The following PODN variants were observed in gnomAD, a reference collection of about 807,000 sequenced individuals.
The protein encoded by PODN is podocan proteoglycan.
In PODN, 40 loss-of-function variants were observed where a neutral mutation model predicts 52.7. That is an observed-to-expected ratio of 0.76 (90% CI 0.59 to 0.99). PODN has a LOEUF of 0.99. Ranked by LOEUF, PODN falls within the 50% of genes least tolerant of loss-of-function variation. PODN has a pLI of 0.00. For missense variants in PODN, 720 were observed against 815.1 expected (o/e 0.88, Z 1.42); for synonymous variants, 396 against 377.9 (o/e 1.05, Z -0.56).
At chr1:53,069,520 C>G (rs944956312) in intron 1 of PODN, among the ~76,000 whole-genome samples, 1 of 152,208 alleles carries the variant, frequency 6.6e-6, no homozygotes, top group Non-Finnish European at 1.5e-5. Flanking sequence ...CAGTCCAGGT[C>G]GTGTCTCAGC....
Position 53,078,383 on chromosome 1 carries a change from GT to G in PODN, c.874del (p.Tyr292ThrfsTer38). On this transcript the variant is annotated frameshift_variant, in exon 8 of 11. Coordinates refer to ENST00000312553, the MANE Select transcript of PODN (RefSeq NM_153703.5). LOFTEE classifies it high-confidence loss of function. ...GCCCCAGGAAGCTCTCCAGCCTGGA[GT>G]ACCTGGATCTGTCCAGCAACAACCT... ...ETFWKLSSLE[Y>X]LDLSSNNLSR... 6.2e-7 allele frequency: 1 copy of G among 1,611,078 alleles called. No homozygotes were observed. Among genetic ancestry groups the G allele is most frequent in the Non-Finnish European group, 8.5e-7 (1 of 1,177,900 alleles).
chr1:53,063,287 T>C lies in PODN; in HGVS notation c.-56+979T>C, dbSNP rs1355376409. 1.2e-5 allele frequency: 11 copies of C among 906,062 alleles called. No homozygotes were observed. The African/African-American group carries it at 1.8e-4, about 15-fold the overall frequency. The allele number at this position is 906,062 out of a possible 1,614,324, so 56.1% of individuals were successfully genotyped here. ...CCGGTGCGCGCGGCACTGACTGAGC[T>C]GGTCCGGGAGGCGCGGAGGATGCTC... On this transcript the variant is annotated intron_variant, in intron 1 of 10. Transcript: ENST00000312553.
chr1:53,077,740 G>T lies in PODN; in HGVS notation c.794G>T (p.Arg265Leu). 6.2e-7 allele frequency: 1 copy of T among 1,613,724 alleles called. No individual in the cohort carries two copies. Among genetic ancestry groups the T allele is most frequent in the Non-Finnish European group, 8.5e-7 (1 of 1,179,982 alleles). Residue 265 changes from arginine (R) to leucine (L), a missense_variant, in exon 7 of 11, where the codon CGC becomes CTC. Coordinates refer to ENST00000312553, the MANE Select transcript of PODN (RefSeq NM_153703.5). The stretch of plus-strand genomic sequence containing the variant: ...GCCTTCAGCGAGCTGAGCAGCCTGC[G>T]CGAGCTATACCTGCAGAACAACTAC... ...PGAFSELSSL[R>L]ELYLQNNYLT...
At chr1:53,075,363 C>T (rs1644178853) in intron 4 of PODN, among the ~76,000 whole-genome samples, 1 of 152,224 alleles carries the variant, frequency 6.6e-6, no homozygotes, top group African/African-American at 2.4e-5. Context: ...CAGCCACCTA[C>T]AGCCCCACTG....
At chr1:53,083,755 G>T (rs932925630) in intron 10 of PODN, among the ~76,000 whole-genome samples, 10 of 152,286 alleles carry the variant, frequency 6.6e-5, no homozygotes, top group African/African-American at 2.2e-4. Flanking sequence ...GTTGGGTAGG[G>T]AAGGAGGTGC....
At chr1:53,081,083 A>G (rs572412571) in intron 9 of PODN, among the ~76,000 whole-genome samples, 1 of 152,246 alleles carries the variant, frequency 6.6e-6, no homozygotes, top group Non-Finnish European at 1.5e-5. Context: ...GCCAGTGCGC[A>G]TGGGCGTTGT....
Position 53,069,891 on chromosome 1 carries a change from G to A in PODN, c.36G>A (p.Leu12=). ...GCCGGGTGCTGCTGCTCCTGCTGCTGCTGCCGCCACAGCTGCACCTGGGAC... is the reference window on the plus strand; with the variant it reads ...GCCGGGTGCTGCTGCTCCTGCTGCTACTGCCGCCACAGCTGCACCTGGGAC... ...AQSRVLLLLL[L]LPPQLHLGPV... The change falls in exon 2 of 11, where the codon CTG becomes CTA. Residue 12 remains leucine (L), a synonymous_variant. Coordinates refer to ENST00000312553, the MANE Select transcript of PODN (RefSeq NM_153703.5). The A allele has an allele frequency of 6.4e-7, 1 of 1,567,390 alleles. No homozygotes were observed. The highest frequency in any genetic ancestry group is 8.6e-7 in the Non-Finnish European group (1 of 1,156,876).
At chr1:53,075,486 T>C (rs1171670298) in intron 4 of PODN, among the ~76,000 whole-genome samples, 4 of 152,178 alleles carry the variant, frequency 2.6e-5, no homozygotes, top group Non-Finnish European at 5.9e-5. Flanking sequence ...GACGCTTGCC[T>C]CCTCACTTGC....
chr1:53,077,643 G>A (rs763567185), intron 6 of PODN, 42 bp from the exon 7 acceptor site: 21 of 1,560,084 alleles, frequency 1.3e-5, no homozygotes, highest in South Asian at 3.5e-5. Flanking sequence ...CCTTGCCCTC[G>A]GCCCTCCCTC....
At chr1:53,072,336 TTAC>T (rs1371350843) in intron 3 of PODN, among the ~76,000 whole-genome samples, 1 of 152,242 alleles carries the variant, frequency 6.6e-6, no homozygotes, top group Non-Finnish European at 1.5e-5. Context: ...ATAAATACTA[TTAC>T]TATGCAACTC....
At chr1:53,070,781 C>G in intron 2 of PODN, 1 of 155,836 alleles carries the variant, frequency 6.4e-6, no homozygotes, top group Non-Finnish European at 1.4e-5. Flanking sequence ...CTGGCATCCA[C>G]ACTGGTGGGT....
In PODN at chr1:53,077,184, C is replaced by T. The variant is rs1168029075; in HGVS notation, c.582-6C>T. On this transcript the variant is annotated splice_region_variant and splice_polypyrimidine_tract_variant and intron_variant, in intron 5 of 10. Transcript: ENST00000312553. ...GGTGGGTGAGGACCTGTGCCTTGAC[C>T]CCCAGGTCTGTGTACCTGCACAACA... 6.2e-7 allele frequency: 1 copy of T among 1,612,660 alleles called. No homozygotes were observed. The highest frequency in any genetic ancestry group is 8.5e-7 in the Non-Finnish European group (1 of 1,179,666).
chr1:53,067,197 C>T (rs1252230403), intron 1 of PODN, among the ~76,000 whole-genome samples: 1 of 152,084 alleles, frequency 6.6e-6, no homozygotes, highest in Non-Finnish European at 1.5e-5. Flanking sequence ...TGCAGGTGTG[C>T]CGGGCTCCCT....
At position 53,078,554 on chromosome 1, in the gene PODN, G is replaced by A. The variant is rs1644231621; in HGVS notation, c.1044G>A (p.Gln348=). The A allele has an allele frequency of 6.2e-7, 1 of 1,613,132 alleles. No individual in the cohort carries two copies. The highest frequency in any genetic ancestry group is 8.5e-7 in the Non-Finnish European group (1 of 1,180,028). The change falls in exon 8 of 11, where the codon CAG becomes CAA. Residue 348 remains glutamine (Q), a synonymous_variant. Transcript: ENST00000312553. ...TGCACAGCAACCAGCTGCGGGAGCA[G>A]GGCATCCACCCACTGGCCTTCCAGG... ...LLLHSNQLRE[Q]GIHPLAFQGL...
At chr1:53,072,736 C>T (rs755482980) in intron 3 of PODN, among the ~76,000 whole-genome samples, 4 of 152,220 alleles carry the variant, frequency 2.6e-5, no homozygotes, top group Non-Finnish European at 5.9e-5. Context: ...CATTTCAACA[C>T]CATCAAGCGC....
chr1:53,062,834 C>T (rs1475075641), intron 1 of PODN, among the ~76,000 whole-genome samples: 1 of 152,270 alleles, frequency 6.6e-6, no homozygotes, highest in Non-Finnish European at 1.5e-5. Flanking sequence ...GCGCGTCGGA[C>T]GCCGGGTGGG....
Position 53,080,847 on chromosome 1 carries a change from C to T in PODN, c.1632C>T (p.Ser544=). The T allele has an allele frequency of 6.2e-7, 1 of 1,614,146 alleles. No individual in the cohort carries two copies. Among genetic ancestry groups the T allele is most frequent in the East Asian group, 2.2e-5 (1 of 44,880 alleles). Residue 544 remains serine (S), a synonymous_variant, in exon 9 of 11, where the codon TCC becomes TCT. Transcript: ENST00000312553. The part of the protein sequence containing the change: ...ISAVPANAFD[S]TPNLKGIFLR... ...CGGTGCCCGCCAATGCCTTCGACTC[C>T]ACGCCCAACCTCAAGGGGATCTTTC...
In PODN at chr1:53,078,906, T is replaced by C. The variant is rs11206088; in HGVS notation, c.1396T>C (p.Leu466=). ...GGTCAAGCGCAATGAGCTGGCTGCC[T>C]TGGCACGAGGGGCGCTGGTGGGCAT... ...LKVKRNELAA[L]ARGALVGMAQ... is the part of the protein sequence containing the mutation. The change falls in exon 8 of 11, where the codon TTG becomes CTG. Residue 466 remains leucine, a synonymous_variant. Transcript: ENST00000312553. 0.15 allele frequency: 247,803 copies of C among 1,606,640 alleles called. 20,150 individuals carry two copies. The highest frequency in any genetic ancestry group is 0.23 in the Middle Eastern group (1,382 of 5,956).
intron 9 of PODN, 42 bp from the exon 10 acceptor site, chr1:53,081,939 G>T: frequency 6.4e-7 from 1 of 1,555,600 alleles, no homozygotes; most frequent in South Asian, 1.2e-5. Flanking sequence ...GGGTTCCTTG[G>T]GGGTTGGGCT....
Sources: gnomAD v4.1 joint callset for allele counts (sites outside exome capture counted in the v4.1 genomes callset) on GRCh38, gnomAD v4.1.1 for gene constraint, MANE v1.5 for transcripts, NCBI Gene and HGNC (gene_info 2026-07-23, HGNC 2026-07-21) for gene names.